The following ZNF341 variants were observed in gnomAD, a reference collection of about 807,000 sequenced individuals.
The protein encoded by ZNF341 is zinc finger protein 341.
In ZNF341, 52 loss-of-function variants were observed where a neutral mutation model predicts 87.7. The ratio of observed to expected loss-of-function variants is 0.59; its 90% confidence interval spans 0.47 to 0.75. The LOEUF is 0.75. ZNF341 is among the 30% of genes least tolerant of loss of function. ZNF341 has a pLI of 0.00. For synonymous variants in ZNF341, 459 were observed against 472.7 expected, an observed-to-expected ratio of 0.97 and a Z score of 0.38; for missense variants, 977 against 1,145.9, an observed-to-expected ratio of 0.85 and a Z score of 2.13.
chr20:33,759,062 T>C (rs777539229), intron 7 of ZNF341, among the ~76,000 whole-genome samples: 4 of 152,120 alleles, frequency 2.6e-5, no homozygotes, highest in African/African-American at 7.2e-5. Flanking sequence ...AGAAAAGCAC[T>C]GAACCCAGAG....
chr20:33,752,976 G>A (rs542329623), intron 4 of ZNF341, among the ~76,000 whole-genome samples, 196 bp from the exon 5 acceptor site: 1 of 152,250 alleles, frequency 6.6e-6, no homozygotes, highest in African/African-American at 2.4e-5. Context: ...AGGGAAAAGG[G>A]ATAGCAGCAC....
chr20:33,760,132 G>A (rs936176083), intron 7 of ZNF341, among the ~76,000 whole-genome samples: 4 of 152,236 alleles, frequency 2.6e-5, no homozygotes, highest in South Asian at 2.1e-4. Context: ...GTTGGGCATG[G>A]TGGCTCACGC....
chr20:33,734,520 T>G (rs2018640306), intron 1 of ZNF341, among the ~76,000 whole-genome samples: 1 of 151,830 alleles, frequency 6.6e-6, no homozygotes, highest in South Asian at 2.1e-4. Context: ...GGAGACAGAA[T>G]AGGCTAGACT....
At chr20:33,760,715 T>C (rs893711579) in intron 7 of ZNF341, among the ~76,000 whole-genome samples, 2 of 151,922 alleles carry the variant, frequency 1.3e-5, no homozygotes, top group Non-Finnish European at 2.9e-5. Context: ...ACCTAATTTT[T>C]GTATTTTTTG....
In ZNF341 at chr20:33,770,157, G is replaced by A. The variant is rs141578693; in HGVS notation, c.1487G>A (p.Ser496Asn). The change falls in exon 10 of 15, where the codon AGC becomes AAC. Residue 496 changes from serine (S) to asparagine (N), a missense_variant. Ser to Asn is a conservative substitution (Grantham distance 46). This residue lies in a region of ZNF341 where 241 missense variants were observed against 335.0 expected (regional missense o/e 0.72). Coordinates refer to ENST00000375200, the MANE Select transcript of ZNF341 (RefSeq NM_001282933.2). ...GACACATTTCTGGAGCACATCAAGA[G>A]CCACCAGGAGGAGCTGAGCTACCGC... is the stretch of plus-strand genomic sequence containing the variant. ...KLDTFLEHIK[S>N]HQEELSYRCH... 507 of 1,614,180 alleles carry A rather than the reference G, an allele frequency of 3.1e-4. No homozygotes were observed. The highest frequency in any genetic ancestry group is 4.0e-4 in the Non-Finnish European group (470 of 1,180,024).
Position 33,745,084 on chromosome 20 carries a change from T to TA in ZNF341, c.143-19_143-18insA. 1 of 1,602,114 alleles carries TA rather than the reference T, an allele frequency of 6.2e-7. No homozygotes were observed. The highest frequency in any genetic ancestry group is 8.5e-7 in the Non-Finnish European group (1 of 1,169,984). On this transcript the variant is annotated intron_variant, in intron 2 of 14. Transcript: ENST00000375200. ...TTCATCTGTGGCCTCTTCCCACTAC[T>TA]CTGCGGGTATGACCCCAGATGACGA...
intron 2 of ZNF341, among the ~76,000 whole-genome samples, chr20:33,743,192 C>T (rs962946794): frequency 1.2e-4 from 18 of 151,928 alleles, no homozygotes; most frequent in African/African-American, 3.1e-4. Context: ...CCACCACACC[C>T]GGCTAATTTT....
rs73094865 is a variant in ZNF341 at position 33,753,354 on chromosome 20, T to C, written c.672T>C (p.Ala224=). ...GTGTGGTGGAGGTGTACAGTGCTGC[T>C]GCGCCCCTGGCTGGGAGTGGAACGG... ...GNGVVEVYSA[A]APLAGSGTVE... Residue 224 remains alanine (A), a synonymous_variant, in exon 5 of 15, where the codon GCT becomes GCC. Coordinates refer to ENST00000375200, the MANE Select transcript of ZNF341 (RefSeq NM_001282933.2). The C allele has an allele frequency of 7.2e-3, 11,640 of 1,608,962 alleles. 54 individuals carry two copies. The highest frequency in any genetic ancestry group is 8.4e-3 in the Non-Finnish European group (9,885 of 1,177,716).
At chr20:33,783,146 C>T (rs1357638628) in intron 11 of ZNF341, among the ~76,000 whole-genome samples, 3 of 114,884 alleles carry the variant, frequency 2.6e-5, no homozygotes, top group Non-Finnish European at 5.4e-5. Flanking sequence ...ATGAGCGAAA[C>T]TGCATCTCAA....
intron 10 of ZNF341, among the ~76,000 whole-genome samples, chr20:33,772,822 G>C (rs1436354298): frequency 6.6e-6 from 1 of 152,190 alleles, no homozygotes; most frequent in Non-Finnish European, 1.5e-5. Context: ...AATCACAAGA[G>C]CTCTGAGAAG....
In ZNF341 at chr20:33,791,146, C is replaced by T. The variant is rs1212876824; in HGVS notation, c.2194C>T (p.Arg732Cys). 11 of 1,613,286 alleles carry T rather than the reference C, an allele frequency of 6.8e-6. No homozygotes were observed. The highest frequency in any genetic ancestry group is 9.3e-6 in the Non-Finnish European group (11 of 1,180,022). The change falls in exon 15 of 15, where the codon CGT becomes TGT. Residue 732 changes from arginine (R) to cysteine (C), a missense_variant. Arg to Cys is a radical substitution (Grantham distance 180). Around this residue, in one of 3 missense-constraint regions of ZNF341, gnomAD observed 221 missense variants for 212.7 expected, o/e 1.04. Coordinates refer to ENST00000375200, the MANE Select transcript of ZNF341 (RefSeq NM_001282933.2). ...RHKYLKDHRC[R>C]LGPQKDKDLQ... ...CAAATACCTCAAAGATCACCGCTGTCGTCTCGGCCCCCAAAAGGACAAGGA... is the reference window on the plus strand; with the variant it reads ...CAAATACCTCAAAGATCACCGCTGTTGTCTCGGCCCCCAAAAGGACAAGGA...
At chr20:33,776,939 C>T (rs1019408440) in intron 10 of ZNF341, among the ~76,000 whole-genome samples, 11 of 152,124 alleles carry the variant, frequency 7.2e-5, no homozygotes, top group Middle Eastern at 3.4e-3. Flanking sequence ...GGATTACAGG[C>T]GTAAGCCATC....
intron 12 of ZNF341, among the ~76,000 whole-genome samples, chr20:33,784,896 G>A (rs1195391387): frequency 2.6e-5 from 4 of 152,112 alleles, no homozygotes; most frequent in East Asian, 1.9e-4. Context: ...GATGACAGGC[G>A]TGAGGCACTG....
Position 33,766,907 on chromosome 20 carries a change from G to A in ZNF341, c.1279G>A (p.Glu427Lys). The stretch of plus-strand genomic sequence containing the variant: ...GCCCCAGGCCTTGTCCACAGCTGGT[G>A]AGGAAGAGGGGGACAAGCCGGAGTC... ...PQPQALSTAG[E>K]EEGDKPESKQ... is the part of the protein sequence containing the mutation. Residue 427 changes from glutamate to lysine, a missense_variant, in exon 9 of 15, where the codon GAG (glutamate) becomes AAG (lysine). Coordinates refer to ENST00000375200, the MANE Select transcript of ZNF341 (RefSeq NM_001282933.2). 5.6e-6 allele frequency: 9 copies of A among 1,614,162 alleles called. No individual in the cohort carries two copies. Among genetic ancestry groups the A allele is most frequent in the Non-Finnish European group, 6.8e-6 (8 of 1,180,026 alleles).
chr20:33,770,150 A>G lies in ZNF341; in HGVS notation c.1480A>G (p.Ile494Val). ...FPKLDTFLEH[I>V]KSHQEELSYR... ...AAAGCTCGACACATTTCTGGAGCAC[A>G]TCAAGAGCCACCAGGAGGAGCTGAG... The change falls in exon 10 of 15, where the codon ATC (isoleucine) becomes GTC (valine). Residue 494 changes from isoleucine (I) to valine (V), a missense_variant. By Grantham distance (29) the Ile-to-Val change is conservative (BLOSUM62 3). Around this residue, in one of 3 missense-constraint regions of ZNF341, gnomAD observed 241 missense variants for 335.0 expected, o/e 0.72. Coordinates refer to ENST00000375200, the MANE Select transcript of ZNF341 (RefSeq NM_001282933.2). The G allele has an allele frequency of 6.2e-7, 1 of 1,614,152 alleles. No individual in the cohort carries two copies. Among genetic ancestry groups the G allele is most frequent in the South Asian group, 1.1e-5 (1 of 91,074 alleles).
rs771219946 is a variant in ZNF341, at chr20:33,783,877, C to T, written c.1852+13C>T. 3.7e-6 allele frequency: 6 copies of T among 1,609,946 alleles called. No individual in the cohort carries two copies. In the East Asian group the frequency reaches 1.3e-4, roughly 36 times the overall value. ...CACATCCACTCGGGTAGGTACCCTGCCCCTGAGAACTCCAGCCCAGCCCCT... is the reference window on the plus strand; with the variant it reads ...CACATCCACTCGGGTAGGTACCCTGTCCCTGAGAACTCCAGCCCAGCCCCT... On this transcript the variant is annotated intron_variant, in intron 12 of 14. Transcript: ENST00000375200.
intron 8 of ZNF341, among the ~76,000 whole-genome samples, chr20:33,766,547 G>A (rs750203515): frequency 3.9e-5 from 6 of 152,154 alleles, no homozygotes; most frequent in Non-Finnish European, 8.8e-5. Flanking sequence ...GTACAACTAG[G>A]ATGGTGTTTA....
intron 12 of ZNF341, among the ~76,000 whole-genome samples, chr20:33,786,027 C>CTTTTTT (rs11478588): frequency 1.3e-4 from 9 of 68,710 alleles, no homozygotes; most frequent in South Asian, 8.5e-4. Flanking sequence ...ATGTATGAAC[C>CTTTTTT]TTTTTTTTTT....
At chr20:33,749,829 T>C (rs959124548) in intron 4 of ZNF341, among the ~76,000 whole-genome samples, 4 of 151,972 alleles carry the variant, frequency 2.6e-5, no homozygotes, top group Non-Finnish European at 4.4e-5. Flanking sequence ...CTTGGCTCCC[T>C]GCAACTTCCA....
Sources: allele counts gnomAD v4.1 joint callset (sites outside exome capture counted in the v4.1 genomes callset), GRCh38; gene constraint gnomAD v4.1.1; regional missense constraint gnomAD v4.1.1; transcripts MANE v1.5; gene names NCBI Gene and HGNC (gene_info 2026-07-23, HGNC 2026-07-21).